The following ANO2 variants were observed in gnomAD, a reference collection of about 807,000 sequenced individuals.
ANO2 encodes anoctamin-2.
A neutral mutation model predicts 124.2 loss-of-function variants in ANO2; 101 were observed. The ratio of observed to expected loss-of-function variants is 0.81; its 90% CI spans 0.69 to 0.96. The LOEUF is 0.96. Ranked by LOEUF, ANO2 falls within the 40% of genes least tolerant of loss-of-function variation. ANO2 has a pLI of 0.00. For missense variants in ANO2, 1,293 were observed against 1,274.5 expected, an observed-to-expected ratio of 1.01 and a Z score of -0.22; for synonymous variants, 486 against 482.5, an observed-to-expected ratio of 1.01 and a Z score of -0.09.
intron 3 of ANO2, among the ~76,000 whole-genome samples, chr12:5,916,491 T>TAAAAAAACAA (rs769233593): frequency 1.0e-5 from 1 of 98,084 alleles, no homozygotes; most frequent in Non-Finnish European, 2.0e-5. Flanking sequence ...TCGCAGCAGG[T>TAAAAAAACAA]TAAAAAAAAA....
chr12:5,653,316 T>C (rs923391137), intron 14 of ANO2, among the ~76,000 whole-genome samples: 3 of 152,206 alleles, frequency 2.0e-5, no homozygotes, highest in South Asian at 4.1e-4. Context: ...TGTTCATACA[T>C]TGACCCTATG....
intron 23 of ANO2, among the ~76,000 whole-genome samples, chr12:5,573,168 G>C (rs2136832393): frequency 6.6e-6 from 1 of 152,252 alleles, no homozygotes; most frequent in African/African-American, 2.4e-5. Context: ...GGGCAGACTG[G>C]ATTGAATGAA....
chr12:5,830,439 C>G lies in ANO2; in HGVS notation c.836G>C (p.Arg279Pro). 1 of 1,612,340 alleles carries G rather than the reference C, an allele frequency of 6.2e-7. No individual in the cohort carries two copies. The highest frequency in any genetic ancestry group is 1.1e-5 in the South Asian group (1 of 90,430). Reference sequence around the variant, plus strand: ...ACAGTACATCCATTTACTTACAATGCGGCTGCGGGTGGCATTATCAAAGAA... The same window carrying G: ...ACAGTACATCCATTTACTTACAATGGGGCTGCGGGTGGCATTATCAAAGAA... The part of the protein sequence containing the change: ...DTFFDNATRS[R>P]IVHEILKRTA... The change falls in exon 6 of 25, where the codon CGC becomes CCC. Residue 279 changes from arginine to proline, a missense_variant. Coordinates refer to ENST00000682330, the MANE Select transcript of ANO2 (RefSeq NM_001364791.2).
At chr12:5,879,313 G>A (rs1303649311) in intron 3 of ANO2, among the ~76,000 whole-genome samples, 3 of 152,240 alleles carry the variant, frequency 2.0e-5, no homozygotes, top group South Asian at 2.1e-4. Flanking sequence ...AAGCCCTTCA[G>A]TTTCTTGGTG....
intron 13 of ANO2, among the ~76,000 whole-genome samples, chr12:5,734,920 G>A (rs1442271586): frequency 6.6e-6 from 1 of 152,176 alleles, no homozygotes; most frequent in Non-Finnish European, 1.5e-5. Context: ...AAAGTGCTGG[G>A]ATTACAGGCG....
upstream of ANO2, chr12:5,946,077 T>A (rs767249480): frequency 2.6e-5 from 40 of 1,554,560 alleles, no homozygotes; most frequent in Non-Finnish European, 3.4e-5. This position sits in a 1 kb window ranked among gnomAD's most constrained non-coding sequence, Gnocchi z 4.1. Context: ...GTAAAACAAG[T>A]TCATTAATAC....
At chr12:5,588,106 G>GA (rs3837487) in intron 20 of ANO2, among the ~76,000 whole-genome samples, 27,560 of 138,324 alleles carry the variant, frequency 0.2, 3,008 homozygotes, top group African/African-American at 0.41. Flanking sequence ...CACCAGAGGC[G>GA]GGGGGCAGCT....
At chr12:5,920,538 C>T (rs1262842996) in intron 3 of ANO2, among the ~76,000 whole-genome samples, 1 of 152,138 alleles carries the variant, frequency 6.6e-6, no homozygotes, top group Non-Finnish European at 1.5e-5. Context: ...ACTAGCAACA[C>T]AAGACTCTTT....
chr12:5,707,597 T>C (rs1949660849), intron 14 of ANO2, among the ~76,000 whole-genome samples: 1 of 152,168 alleles, frequency 6.6e-6, no homozygotes, highest in Admixed American at 6.5e-5. Context: ...TCTGAAGTCC[T>C]CTCCAGATCT....
intron 10 of ANO2, among the ~76,000 whole-genome samples, chr12:5,763,671 C>T (rs559414184): frequency 3.3e-5 from 5 of 151,992 alleles, no homozygotes; most frequent in African/African-American, 1.2e-4. Context: ...AACAAAACAG[C>T]GTATCAAGAT....
intron 10 of ANO2, among the ~76,000 whole-genome samples, chr12:5,754,102 G>A (rs75161895): frequency 0.03 from 4,633 of 152,218 alleles, 89 homozygotes; most frequent in South Asian, 0.066. Context: ...AACTTGTTGA[G>A]CTGTAAGTTC....
At chr12:5,653,839 A>G (rs550776494) in intron 14 of ANO2, among the ~76,000 whole-genome samples, 9 of 152,216 alleles carry the variant, frequency 5.9e-5, no homozygotes, top group Non-Finnish European at 1.3e-4. Flanking sequence ...ACTAGGAGAC[A>G]TTTCAACTGT....
chr12:5,641,797 G>C (rs1946405683), intron 15 of ANO2, among the ~76,000 whole-genome samples: 1 of 152,212 alleles, frequency 6.6e-6, no homozygotes, highest in Non-Finnish European at 1.5e-5. Context: ...CTGGGAAAGG[G>C]AAGATTTTAC....
intron 14 of ANO2, among the ~76,000 whole-genome samples, chr12:5,671,746 C>T (rs1213350036): frequency 1.3e-5 from 2 of 152,120 alleles, no homozygotes; most frequent in Non-Finnish European, 2.9e-5. Flanking sequence ...TACTCGAAAG[C>T]CTAGAGATAT....
intron 12 of ANO2, among the ~76,000 whole-genome samples, chr12:5,742,507 G>A (rs190830730): frequency 1.8e-4 from 27 of 152,282 alleles, no homozygotes; most frequent in Middle Eastern, 6.8e-3. Flanking sequence ...GAGGATCTCG[G>A]AAGGGGTGGG....
At chr12:5,833,036 A>G (rs1954204876) in intron 4 of ANO2, among the ~76,000 whole-genome samples, 1 of 152,204 alleles carries the variant, frequency 6.6e-6, no homozygotes, top group Non-Finnish European at 1.5e-5. Context: ...GGCCACATAG[A>G]TAGGAACTGG....
intron 7 of ANO2, among the ~76,000 whole-genome samples, chr12:5,814,438 C>T (rs1201330202): frequency 1.3e-5 from 2 of 152,242 alleles, no homozygotes; most frequent in African/African-American, 4.8e-5. Context: ...TGGCTTGCTC[C>T]CTGTTTTCCT....
chr12:5,635,049 G>A lies in ANO2; in HGVS notation c.1816+103C>T. ...CTCTAATTAAAATGCACTGTACAAAGCATCCTGTCCCTGTCCCATTTTTTT... is the reference window on the plus strand; with the variant it reads ...CTCTAATTAAAATGCACTGTACAAAACATCCTGTCCCTGTCCCATTTTTTT... On this transcript the variant is annotated intron_variant, in intron 16 of 24. Transcript: ENST00000682330. This position sits in a 1 kb window ranked among gnomAD's most constrained non-coding sequence, Gnocchi z 5.2. The A allele has an allele frequency of 9.4e-7, 1 of 1,068,736 alleles. No individual in the cohort carries two copies. The highest frequency in any genetic ancestry group is 1.3e-6 in the Non-Finnish European group (1 of 770,560). 66.2% of individuals were successfully genotyped at this position (1,068,736 alleles called of 1,614,324 possible). A position where few individuals can be genotyped will look rare whatever the true frequency, so the allele number is the denominator to read the frequency against.
intron 10 of ANO2, among the ~76,000 whole-genome samples, chr12:5,783,061 G>A (rs1230002628): frequency 6.6e-6 from 1 of 152,078 alleles, no homozygotes; most frequent in African/African-American, 2.4e-5. Flanking sequence ...CATTCAACAA[G>A]TTCTTTACTT....
Sources: allele counts gnomAD v4.1 joint callset (sites outside exome capture counted in the v4.1 genomes callset), GRCh38; gene constraint gnomAD v4.1.1; non-coding constraint Gnocchi (gnomAD v3.1); transcripts MANE v1.5; gene names NCBI Gene and HGNC (gene_info 2026-07-23, HGNC 2026-07-21).